Variants in ABCC6 observed in about 807,000 individuals in gnomAD.
ABCC6 encodes the protein ATP-binding cassette sub-family C member 6.
ABCC6 carries 126 observed loss-of-function variants against 169.5 expected under a neutral mutation model. The ratio of observed to expected loss-of-function variants is 0.74; its 90% CI spans 0.64 to 0.86. The LOEUF (loss-of-function observed/expected upper bound fraction) is 0.86. Among genes scored for constraint, ABCC6 ranks in the 40% least tolerant of loss-of-function variants. ABCC6 has a pLI of 0.00. For missense variants in ABCC6, 1,733 were observed against 1,927.2 expected, an observed-to-expected ratio of 0.90 and a Z score of 1.89; for synonymous variants, 752 against 814.7, an observed-to-expected ratio of 0.92 and a Z score of 1.31.
At chr16:16,196,209 C>A (rs367785893) in intron 10 of ABCC6, among the ~76,000 whole-genome samples, 557 of 131,442 alleles carry the variant, frequency 4.2e-3, no homozygotes, top group South Asian at 4.3e-3. Context: ...GACTCTGTCT[C>A]AAAAAAAAAA....
chr16:16,195,527 G>A (rs2048007616), intron 10 of ABCC6, among the ~76,000 whole-genome samples: 1 of 151,928 alleles, frequency 6.6e-6, no homozygotes, highest in Admixed American at 6.6e-5. Context: ...TGGCCAGGCT[G>A]GTCTTGAACT....
intron 4 of ABCC6, among the ~76,000 whole-genome samples, chr16:16,219,056 T>G (rs1359455813): frequency 3.6e-5 from 2 of 55,752 alleles, no homozygotes; most frequent in Non-Finnish European, 5.9e-5. Flanking sequence ...AGAGCAAGCC[T>G]CTCAAAAAAA....
At chr16:16,206,448 CA>C (rs1263319784) in intron 7 of ABCC6, among the ~76,000 whole-genome samples, 1 of 151,760 alleles carries the variant, frequency 6.6e-6, no homozygotes, top group Non-Finnish European at 1.5e-5. Context: ...GCCTGAGCAA[CA>C]TGGAGAAACC....
At chr16:16,188,645 G>T (rs980491969) in intron 13 of ABCC6, among the ~76,000 whole-genome samples, 186 bp downstream of exon 13, 25 of 152,146 alleles carry the variant, frequency 1.6e-4, no homozygotes, top group African/African-American at 5.8e-4. Flanking sequence ...CCTTCCAGAT[G>T]TATTTGCTGT....
In ABCC6 at chr16:16,212,093, TA is replaced by T. The variant is rs2048646358; in HGVS notation, c.662+91del. 6 of 763,994 alleles carry T rather than the reference TA, an allele frequency of 7.9e-6. 1 individual carries two copies. In the African/African-American group the frequency reaches 1.4e-4, roughly 18 times the overall value. 47.3% of individuals were successfully genotyped at this position (763,994 alleles called of 1,614,324 possible). On this transcript the variant is annotated intron_variant, in intron 6 of 30. Coordinates refer to ENST00000205557, the MANE Select transcript of ABCC6 (RefSeq NM_001171.6). ...ATGAAGAAAGACTTGCTGGCCTTTG[TA>T]AGCACAGGGGAAGGGCCATGGCTGG...
At position 16,183,395 on chromosome 16, in the gene ABCC6, G is replaced by A. The variant is rs117109895; in HGVS notation, c.1944-465C>T. Among the ~76,000 whole-genome samples the A allele has an allele frequency of 9.0e-3, 1,363 of 152,046 alleles. 10 individuals carry two copies. The highest frequency in any genetic ancestry group is 0.036 in the South Asian group (173 of 4,802). On this transcript the variant is annotated intron_variant, in intron 15 of 30. Transcript: ENST00000205557. ...TCCTCCCTCCCTCCCGCTACTCTTG[G>A]TCCCGCCCCACTCCTGTCCACGTCC...
chr16:16,179,539 A>C (rs1456191458), intron 17 of ABCC6, among the ~76,000 whole-genome samples: 1 of 152,012 alleles, frequency 6.6e-6, no homozygotes, highest in Non-Finnish European at 1.5e-5. Flanking sequence ...TTTCAGGACG[A>C]TTCAAGCACA....
chr16:16,221,694 A>G lies in ABCC6; in HGVS notation c.174T>C (p.His58=), dbSNP rs777138361. The G allele has an allele frequency of 3.1e-6, 5 of 1,613,862 alleles. No individual in the cohort carries two copies. The highest frequency in any genetic ancestry group is 4.2e-6 in the Non-Finnish European group (5 of 1,179,828). Reference sequence around the variant, plus strand: ...GGGACATCCGGAGGTAGCCCCGGCCATGGTGGTGGATGAAGAGGAGGTAGA... The same window carrying G: ...GGGACATCCGGAGGTAGCCCCGGCCGTGGTGGTGGATGAAGAGGAGGTAGA... ...GPIYLLFIHH[H]GRGYLRMSPL... is the part of the protein sequence containing the mutation. Residue 58 remains histidine, a synonymous_variant, in exon 2 of 31, where the codon CAT becomes CAC. Transcript: ENST00000205557.
rs1270873315 is a variant in ABCC6 at position 16,182,608 on chromosome 16, G to A, written c.2071-20C>T. 1 of 1,609,804 alleles carries A rather than the reference G, an allele frequency of 6.2e-7. No individual in the cohort carries two copies. Among genetic ancestry groups the A allele is most frequent in the East Asian group, 2.2e-5 (1 of 44,742 alleles). ...AGCACCCTAAAACACAACTTACTTT[G>A]GTCACAGGAGGATGATGGGGACAGA... is the stretch of plus-strand genomic sequence containing the variant. On this transcript the variant is annotated intron_variant, in intron 16 of 30. Coordinates refer to ENST00000205557, the MANE Select transcript of ABCC6 (RefSeq NM_001171.6).
intron 25 of ABCC6, 46 bp from the exon 26 acceptor site, chr16:16,159,629 A>G: frequency 6.4e-7 from 1 of 1,572,030 alleles, no homozygotes; most frequent in Non-Finnish European, 8.7e-7. Context: ...AGGCCACTTG[A>G]GGGCTTGCAA....
intron 27 of ABCC6, chr16:16,155,766 G>A (rs2046530532): frequency 6.6e-6 from 1 of 152,618 alleles, no homozygotes; most frequent in Admixed American, 6.5e-5. Flanking sequence ...GGAAACATGT[G>A]GGTCACCCCA....
chr16:16,219,059 CAAAAAAAAAAAA>C (rs545447445), intron 4 of ABCC6, among the ~76,000 whole-genome samples: 2 of 10,378 alleles, frequency 1.9e-4, no homozygotes, highest in Non-Finnish European at 3.5e-4. Context: ...GCAAGCCTCT[CAAAAAAAAAAAA>C]AAAAAAAAAA....
intron 7 of ABCC6, among the ~76,000 whole-genome samples, chr16:16,204,308 G>A (rs976426637): frequency 1.3e-5 from 2 of 152,112 alleles, no homozygotes; most frequent in African/African-American, 2.4e-5. Flanking sequence ...TGCTCGCCTT[G>A]GCCTCCCAAA....
At chr16:16,203,809 C>T (rs1306702063) in intron 7 of ABCC6, among the ~76,000 whole-genome samples, 196 bp from the exon 8 acceptor site, 1 of 152,120 alleles carries the variant, frequency 6.6e-6, no homozygotes, top group Non-Finnish European at 1.5e-5. Flanking sequence ...GGGGGCAGGG[C>T]AGGAGGGCAC....
intron 25 of ABCC6, among the ~76,000 whole-genome samples, chr16:16,159,840 T>C (rs2046659691): frequency 1.3e-5 from 2 of 152,148 alleles, no homozygotes; most frequent in Non-Finnish European, 2.9e-5. Flanking sequence ...ACAAACTGGC[T>C]TGATGCAGGT....
intron 7 of ABCC6, among the ~76,000 whole-genome samples, chr16:16,204,153 T>A (rs1470155014): frequency 6.6e-6 from 1 of 152,048 alleles, no homozygotes. Context: ...ACTTCCCAGT[T>A]CAAGTGATTG....
At chr16:16,187,838 A>G (rs983831572) in intron 13 of ABCC6, among the ~76,000 whole-genome samples, 1 of 152,108 alleles carries the variant, frequency 6.6e-6, no homozygotes, top group African/African-American at 2.4e-5. Flanking sequence ...TTGAGCATGC[A>G]GTGAGCTGAG....
chr16:16,182,751 G>A (rs1230480537), intron 16 of ABCC6, 53 bp downstream of exon 16: 1 of 1,611,946 alleles, frequency 6.2e-7, no homozygotes, highest in Non-Finnish European at 8.5e-7. Context: ...CAGCGAGGAA[G>A]TGGGACTTTC....
At chr16:16,169,978 A>G (rs2047006035) in intron 21 of ABCC6, 125 bp from the exon 22 acceptor site, 4 of 999,744 alleles carry the variant, frequency 4.0e-6, no homozygotes, top group Admixed American at 2.0e-5. Flanking sequence ...CGCAGACCTC[A>G]CTGGTTCTCC....
Sources: gnomAD v4.1 joint callset for allele counts (sites outside exome capture counted in the v4.1 genomes callset) on GRCh38, gnomAD v4.1.1 for gene constraint, MANE v1.5 for transcripts, NCBI Gene and HGNC (gene_info 2026-07-23, HGNC 2026-07-21) for gene names.